PACC1: variants seen among roughly 807,000 people sequenced by gnomAD.
PACC1 encodes the protein proton activated chloride channel 1, also known as proton-activated chloride channel.
Under a neutral mutation model 39.7 loss-of-function variants are expected in PACC1, and 34 were observed. The observed-to-expected ratio is 0.86, with a 90% confidence interval of 0.65 to 1.14. The LOEUF (loss-of-function observed/expected upper bound fraction) is 1.14. Ranked by LOEUF, PACC1 falls within the 50% of genes most tolerant of loss-of-function variation. PACC1 has a pLI of 0.00. For synonymous variants in PACC1, 127 were observed against 160.6 expected, an observed-to-expected ratio of 0.79 and a Z score of 1.58; for missense variants, 379 against 436.4, an observed-to-expected ratio of 0.87 and a Z score of 1.17.
intron 7 of PACC1, among the ~76,000 whole-genome samples, chr1:212,366,876 C>T (rs1288617530): frequency 6.6e-6 from 1 of 152,182 alleles, no homozygotes; most frequent in Non-Finnish European, 1.5e-5. Flanking sequence ...GCAGAGCAAG[C>T]ACATCCGTAT....
At chr1:212,396,465 T>A (rs1311284000) in intron 2 of PACC1, among the ~76,000 whole-genome samples, 2 of 152,016 alleles carry the variant, frequency 1.3e-5, no homozygotes, top group Non-Finnish European at 2.9e-5. Flanking sequence ...AGGGATAGCA[T>A]TAGGAGATAT....
At position 212,410,347 on chromosome 1, in the gene PACC1, T is replaced by A; in HGVS notation, c.133+78A>T. ...AGGGTGCAGGGAAGGGGGCTCCTCC[T>A]CTCCCACAGTTGGCAAGGCGCCTAG... On this transcript the variant is annotated intron_variant, in intron 2 of 7. Coordinates refer to ENST00000261455, the MANE Select transcript of PACC1 (RefSeq NM_018252.3). 2.3e-6 allele frequency: 3 copies of A among 1,326,918 alleles called. No individual in the cohort carries two copies. In the South Asian group the frequency reaches 3.5e-5, roughly 16 times the overall value. The allele number at this position is 1,326,918 out of a possible 1,614,324, so 82.2% of individuals were successfully genotyped here.
intron 2 of PACC1, among the ~76,000 whole-genome samples, chr1:212,394,918 T>C (rs1661456968): frequency 1.3e-5 from 2 of 152,166 alleles, no homozygotes; most frequent in Admixed American, 1.3e-4. Context: ...TACAAACCAC[T>C]GCTCAATGAA....
chr1:212,367,163 A>G (rs1660275849), intron 7 of PACC1, among the ~76,000 whole-genome samples: 1 of 152,212 alleles, frequency 6.6e-6, no homozygotes, highest in African/African-American at 2.4e-5. Flanking sequence ...AGTCCTCTGC[A>G]GCAACACCAA....
chr1:212,392,954 C>G (rs1399841340), intron 2 of PACC1, among the ~76,000 whole-genome samples: 1 of 151,784 alleles, frequency 6.6e-6, no homozygotes, highest in Non-Finnish European at 1.5e-5. Flanking sequence ...TAGTGACCTA[C>G]AAAGAGACTT....
At position 212,388,384 on chromosome 1, in the gene PACC1, C is replaced by T. The variant is rs571213670; in HGVS notation, c.134-1284G>A. On this transcript the variant is annotated intron_variant, in intron 2 of 7. Transcript: ENST00000261455. ...AACTCTGTCTCCCCTACCTCCCTCA[C>T]AAAATCCTGAGGCTAGAAGCTAGAT... Among the ~76,000 whole-genome samples, 36 of 152,314 alleles carry T rather than the reference C, an allele frequency of 2.4e-4. 2 individuals are homozygous for T. The South Asian group carries it at 7.0e-3, about 30-fold the overall frequency.
intron 6 of PACC1, among the ~76,000 whole-genome samples, chr1:212,375,848 G>A (rs1055828018): frequency 1.3e-5 from 2 of 152,122 alleles, no homozygotes; most frequent in African/African-American, 4.8e-5. Context: ...TAGTGCCACT[G>A]CACTCTAGCC....
chr1:212,381,695 G>GCACACACACA (rs58078220), intron 4 of PACC1, among the ~76,000 whole-genome samples: 5 of 122,758 alleles, frequency 4.1e-5, no homozygotes, highest in Admixed American at 8.3e-5. Context: ...CACACACACT[G>GCACACACACA]CACACACACA....
At position 212,399,123 on chromosome 1, in the gene PACC1, G is replaced by A. The variant is rs181530814; in HGVS notation, c.133+11302C>T. Among the ~76,000 whole-genome samples the A allele has an allele frequency of 1.3e-4, 20 of 152,382 alleles. No individual in the cohort carries two copies. In the Middle Eastern group the frequency reaches 0.01, roughly 78 times the overall value. ...AGCTGCTCATAACTGCAGTGGCAATGAGTACCAGCTTACTACATTCTAACG... is the reference window on the plus strand; with the variant it reads ...AGCTGCTCATAACTGCAGTGGCAATAAGTACCAGCTTACTACATTCTAACG... On this transcript the variant is annotated intron_variant, in intron 2 of 7. Transcript: ENST00000261455.
In PACC1 at chr1:212,364,606, C is replaced by T. The variant is rs774708504; in HGVS notation, c.*609G>A. The T allele has an allele frequency of 9.8e-5, 15 of 152,562 alleles. No homozygotes were observed. The highest frequency in any genetic ancestry group is 3.9e-4 in the Admixed American group (6 of 15,260). The allele number at this position is 152,562 out of a possible 1,614,324, so 9.5% of individuals were successfully genotyped here. ...CTCATACATCAACAAACATTCTAGC[C>T]GGACAAGTAGGTGGCTACTCAGTCC... On this transcript the variant is annotated 3_prime_UTR_variant, in exon 8 of 8. Coordinates refer to ENST00000261455, the MANE Select transcript of PACC1 (RefSeq NM_018252.3).
At chr1:212,365,694 T>A (rs1463422560) in intron 7 of PACC1, among the ~76,000 whole-genome samples, 1 of 151,996 alleles carries the variant, frequency 6.6e-6, no homozygotes, top group East Asian at 1.9e-4. Context: ...CATAACTCTA[T>A]ATACTTCATT....
intron 7 of PACC1, among the ~76,000 whole-genome samples, chr1:212,365,763 T>G (rs925182636): frequency 6.6e-6 from 1 of 152,206 alleles, no homozygotes. Context: ...GACTCCTCCC[T>G]ATAATAAAGT....
chr1:212,365,655 T>C (rs1335402990), intron 7 of PACC1, among the ~76,000 whole-genome samples: 1 of 152,074 alleles, frequency 6.6e-6, no homozygotes, highest in Non-Finnish European at 1.5e-5. Flanking sequence ...ATTGGGACTA[T>C]AAGAAAAATA....
chr1:212,386,741 C>T lies in PACC1; in HGVS notation c.343+150G>A. The T allele has an allele frequency of 1.3e-6, 1 of 750,132 alleles. No individual in the cohort carries two copies. The highest frequency in any genetic ancestry group is 2.3e-6 in the Non-Finnish European group (1 of 441,808). The allele number at this position is 750,132 out of a possible 1,614,324, so 46.5% of individuals were successfully genotyped here. A position where few individuals can be genotyped will look rare whatever the true frequency, so the allele number is the denominator to read the frequency against. Reference sequence around the variant, plus strand: ...CGTAACACACTCCCAACAGCAGCTCCTTGGGCATAGACTCTATACCTAGAC... The same window carrying T: ...CGTAACACACTCCCAACAGCAGCTCTTTGGGCATAGACTCTATACCTAGAC... On this transcript the variant is annotated intron_variant, in intron 3 of 7. Coordinates refer to ENST00000261455, the MANE Select transcript of PACC1 (RefSeq NM_018252.3). The surrounding 1 kb of genome is among the most constrained non-coding windows in gnomAD (Gnocchi z 5.0).
intron 5 of PACC1, among the ~76,000 whole-genome samples, chr1:212,379,424 G>A (rs1220480454): frequency 1.3e-5 from 2 of 152,246 alleles, no homozygotes; most frequent in African/African-American, 4.8e-5. Context: ...ATAGGCAGGA[G>A]TGGTTAAGTT....
Position 212,365,093 on chromosome 1 carries a change from TC to T in PACC1, c.*121del. On this transcript the variant is annotated 3_prime_UTR_variant, in exon 8 of 8. Transcript: ENST00000261455. ...TAGAAGTTCCAGTTTTACATGCTGTTCCTCCCAGCAAGGCCCCATTTCTTCA... is the reference window on the plus strand; with the variant it reads ...TAGAAGTTCCAGTTTTACATGCTGTTCTCCCAGCAAGGCCCCATTTCTTCA... The T allele has an allele frequency of 1.0e-6, 1 of 1,002,084 alleles. No homozygotes were observed. The highest frequency in any genetic ancestry group is 1.4e-6 in the Non-Finnish European group (1 of 703,018). 62.1% of individuals were successfully genotyped at this position (1,002,084 alleles called of 1,614,324 possible).
chr1:212,376,297 C>A (rs1660664082), intron 6 of PACC1, among the ~76,000 whole-genome samples: 1 of 152,162 alleles, frequency 6.6e-6, no homozygotes, highest in South Asian at 2.1e-4. Context: ...TATGTGAGAG[C>A]ACTCTAAACT....
intron 2 of PACC1, among the ~76,000 whole-genome samples, chr1:212,403,401 T>C (rs79417603): frequency 0.025 from 3,806 of 152,206 alleles, 65 homozygotes; most frequent in Non-Finnish European, 0.039. Flanking sequence ...GGTTCAGTCT[T>C]CATGGCCCCC....
At chr1:212,388,064 A>AAG (rs1386438051) in intron 2 of PACC1, among the ~76,000 whole-genome samples, 1 of 149,622 alleles carries the variant, frequency 6.7e-6, no homozygotes, top group African/African-American at 2.5e-5. Flanking sequence ...CAAAAAAAAA[A>AAG]AAAAAAGAAA....
Sources: allele counts gnomAD v4.1 joint callset (sites outside exome capture counted in the v4.1 genomes callset), GRCh38; gene constraint gnomAD v4.1.1; non-coding constraint Gnocchi (gnomAD v3.1); transcripts MANE v1.5; gene names NCBI Gene and HGNC (gene_info 2026-07-23, HGNC 2026-07-21).